The following SDC2 variants were observed in gnomAD, a reference collection of about 807,000 sequenced individuals.
SDC2 encodes the protein syndecan 2, also known as syndecan-2.
In SDC2, 13 loss-of-function variants were observed where a neutral mutation model predicts 22.2. That is an observed-to-expected ratio of 0.59 (90% CI 0.38 to 0.93). The LOEUF (loss-of-function observed/expected upper bound fraction) is 0.93. SDC2 is among the 40% of genes least tolerant of loss of function. The pLI, the probability that SDC2 is intolerant of heterozygous loss-of-function variation, is 0.00. For synonymous variants in SDC2, 94 were observed against 92.8 expected, an observed-to-expected ratio of 1.01 and a Z score of -0.07; for missense variants, 235 against 246.8, an observed-to-expected ratio of 0.95 and a Z score of 0.32.
chr8:96,535,926 T>C (rs1813746990), intron 1 of SDC2, among the ~76,000 whole-genome samples: 1 of 152,146 alleles, frequency 6.6e-6, no homozygotes, highest in Non-Finnish European at 1.5e-5. Flanking sequence ...TGAGGCAGTT[T>C]TATGAAACGT....
intron 3 of SDC2, among the ~76,000 whole-genome samples, chr8:96,603,318 C>A (rs1253311080): frequency 1.3e-5 from 2 of 152,288 alleles, no homozygotes; most frequent in East Asian, 3.9e-4. Flanking sequence ...TAGCATGGCA[C>A]CTGAGACCTA....
At chr8:96,563,364 A>G (rs1814244305) in intron 1 of SDC2, among the ~76,000 whole-genome samples, 2 of 152,186 alleles carry the variant, frequency 1.3e-5, no homozygotes, top group Non-Finnish European at 2.9e-5. Flanking sequence ...TGGCTTTTAC[A>G]TAACTGTCAT....
rs1313794812 is a variant in SDC2, at chr8:96,609,557, C to T, written c.*9C>T. 1.3e-6 allele frequency: 2 copies of T among 1,567,438 alleles called. No individual in the cohort carries two copies. Among genetic ancestry groups the T allele is most frequent in the Admixed American group, 1.9e-5 (1 of 53,968 alleles). ...AGGAGTTTTATGCGTAAAACTCCAACTTAGTGTCTCTATTTATGAGATCAC... is the reference window on the plus strand; with the variant it reads ...AGGAGTTTTATGCGTAAAACTCCAATTTAGTGTCTCTATTTATGAGATCAC... On this transcript the variant is annotated 3_prime_UTR_variant, in exon 5 of 5. Coordinates refer to ENST00000302190, the MANE Select transcript of SDC2 (RefSeq NM_002998.4).
chr8:96,585,192 A>G (rs371722134), intron 1 of SDC2, among the ~76,000 whole-genome samples: 2 of 152,222 alleles, frequency 1.3e-5, no homozygotes, highest in African/African-American at 4.8e-5. Context: ...TTGTAATGCA[A>G]GTGTTTTGAA....
At chr8:96,571,812 T>A (rs1196143079) in intron 1 of SDC2, among the ~76,000 whole-genome samples, 1 of 152,198 alleles carries the variant, frequency 6.6e-6, no homozygotes, top group Non-Finnish European at 1.5e-5. Context: ...ATAAACTTTG[T>A]CTTTGTCAGC....
At chr8:96,532,412 G>GTTTTTTTTTTTTTTTTTTTTT (rs35452131) in intron 1 of SDC2, among the ~76,000 whole-genome samples, 9 of 47,944 alleles carry the variant, frequency 1.9e-4, no homozygotes, top group African/African-American at 9.4e-4. Context: ...TTATTGAGGC[G>GTTTTTTTTTTTTTTTTTTTTT]TTTTTTTTTT....
At chr8:96,529,474 C>T (rs775265057) in intron 1 of SDC2, among the ~76,000 whole-genome samples, 1 of 152,152 alleles carries the variant, frequency 6.6e-6, no homozygotes, top group Non-Finnish European at 1.5e-5. Context: ...TTTAAAAACT[C>T]CATGAGTACG....
intron 1 of SDC2, among the ~76,000 whole-genome samples, chr8:96,562,034 A>G (rs1392125933): frequency 6.6e-6 from 1 of 152,034 alleles, no homozygotes; most frequent in African/African-American, 2.4e-5. Flanking sequence ...CCTGTGGATC[A>G]TGTGTTTGGT....
At chr8:96,600,293 G>A (rs1425840298) in intron 2 of SDC2, among the ~76,000 whole-genome samples, 1 of 152,234 alleles carries the variant, frequency 6.6e-6, no homozygotes, top group East Asian at 1.9e-4. Flanking sequence ...TTATCAATGT[G>A]TTGTCCGAGG....
chr8:96,589,994 C>T (rs771053716), intron 1 of SDC2, among the ~76,000 whole-genome samples: 37 of 152,214 alleles, frequency 2.4e-4, no homozygotes, highest in African/African-American at 6.5e-4. Context: ...GAATCAGATG[C>T]GCATTCTCCT....
At position 96,548,392 on chromosome 8, in the gene SDC2, G is replaced by T. The variant is rs574511701; in HGVS notation, c.61-45088G>T. On this transcript the variant is annotated intron_variant, in intron 1 of 4. Transcript: ENST00000302190. The stretch of plus-strand genomic sequence containing the variant: ...TAATGCACAAAGGAAATGCTCACGG[G>T]AGCATTTTGGATCTCAGATTTTCAG... Among the ~76,000 whole-genome samples the T allele has an allele frequency of 2.6e-5, 4 of 152,246 alleles. No individual in the cohort carries two copies. In the South Asian group the frequency reaches 8.3e-4, roughly 32 times the overall value.
chr8:96,556,604 A>C (rs2130551116), intron 1 of SDC2, among the ~76,000 whole-genome samples: 1 of 151,892 alleles, frequency 6.6e-6, no homozygotes, highest in African/African-American at 2.4e-5. Flanking sequence ...CCTTCCTTAC[A>C]CCTTATACAA....
chr8:96,552,127 C>G (rs116056853), intron 1 of SDC2, among the ~76,000 whole-genome samples: 265 of 152,306 alleles, frequency 1.7e-3, no homozygotes, highest in African/African-American at 6.0e-3. Context: ...TCTTTTCTCA[C>G]GAGGCTTGGA....
chr8:96,516,097 A>C (rs1365496395), intron 1 of SDC2, among the ~76,000 whole-genome samples: 1 of 152,166 alleles, frequency 6.6e-6, no homozygotes, highest in South Asian at 2.1e-4. Context: ...CTTGCATCCC[A>C]TCTCAGACCC....
chr8:96,558,976 T>C (rs986164348), intron 1 of SDC2, among the ~76,000 whole-genome samples: 1 of 152,228 alleles, frequency 6.6e-6, no homozygotes, highest in Non-Finnish European at 1.5e-5. Context: ...GATTATTTCA[T>C]GGATTGCCAG....
chr8:96,538,699 G>T (rs901985966), intron 1 of SDC2: 2 of 152,226 alleles, frequency 1.3e-5, no homozygotes, highest in Admixed American at 1.3e-4. Flanking sequence ...ATTTCAGAAG[G>T]ATATTCTTTG....
chr8:96,558,698 C>T (rs1814159961), intron 1 of SDC2, among the ~76,000 whole-genome samples: 1 of 151,954 alleles, frequency 6.6e-6, no homozygotes, highest in African/African-American at 2.4e-5. Flanking sequence ...TGAGGTCAGC[C>T]CCAAAGAGGG....
At chr8:96,566,957 G>A (rs527694661) in intron 1 of SDC2, among the ~76,000 whole-genome samples, 1 of 152,108 alleles carries the variant, frequency 6.6e-6, no homozygotes, top group Non-Finnish European at 1.5e-5. Context: ...AAGTTCAAGC[G>A]ATTCTCTTTC....
chr8:96,508,523 A>G (rs1040853922), intron 1 of SDC2, among the ~76,000 whole-genome samples: 1 of 97,418 alleles, frequency 1.0e-5, no homozygotes, highest in African/African-American at 3.2e-5. Flanking sequence ...TTATTGGTTT[A>G]TAAATTTTAT....
Sources: gnomAD v4.1 joint callset for allele counts (sites outside exome capture counted in the v4.1 genomes callset) on GRCh38, gnomAD v4.1.1 for gene constraint, MANE v1.5 for transcripts, NCBI Gene and HGNC (gene_info 2026-07-23, HGNC 2026-07-21) for gene names.